The following NPR3 variants were observed in gnomAD, a reference collection of about 807,000 sequenced individuals.
NPR3 encodes the protein natriuretic peptide receptor 3.
NPR3 carries 34 observed loss-of-function variants against 54.5 expected under a neutral mutation model. That is an observed-to-expected ratio of 0.62 (90% CI 0.47 to 0.83). NPR3 has a LOEUF of 0.83. Among genes scored for constraint, NPR3 ranks in the 40% least tolerant of loss-of-function variants. NPR3 has a pLI of 0.00. For missense variants in NPR3, 674 were observed against 720.8 expected (o/e 0.94, Z 0.74); for synonymous variants, 289 against 297.1 (o/e 0.97, Z 0.28).
intron 3 of NPR3, among the ~76,000 whole-genome samples, chr5:32,773,046 G>A (rs1308024540): frequency 6.9e-6 from 1 of 145,404 alleles, no homozygotes; most frequent in African/African-American, 2.5e-5. Context: ...TCTTGTGAAT[G>A]TTTGTGTATC....
intron 1 of NPR3, among the ~76,000 whole-genome samples, chr5:32,722,523 T>C (rs1276759669): frequency 6.6e-6 from 1 of 152,208 alleles, no homozygotes; most frequent in Non-Finnish European, 1.5e-5. Flanking sequence ...ATGACTCTAC[T>C]CTCTATATGT....
chr5:32,780,668 A>G (rs1207753846), intron 4 of NPR3, 54 bp from the exon 5 acceptor site: 5 of 819,030 alleles, frequency 6.1e-6, no homozygotes, highest in Non-Finnish European at 1.1e-5. Context: ...TTTTGTTGGC[A>G]GACAGAGGTA....
chr5:32,697,267 T>C (rs1158576283), intron 1 of NPR3, among the ~76,000 whole-genome samples: 1 of 152,158 alleles, frequency 6.6e-6, no homozygotes, highest in Admixed American at 6.5e-5. Flanking sequence ...ATTCTGTTGA[T>C]GTGATGTATT....
chr5:32,780,619 T>A, intron 4 of NPR3, 103 bp from the exon 5 acceptor site: 2 of 763,228 alleles, frequency 2.6e-6, no homozygotes, highest in Non-Finnish European at 4.9e-6. Context: ...CCCTGTGGCA[T>A]GAGTTTGTTT....
intron 3 of NPR3, among the ~76,000 whole-genome samples, chr5:32,767,958 C>G (rs1034208831): frequency 1.3e-5 from 2 of 152,178 alleles, no homozygotes; most frequent in Non-Finnish European, 2.9e-5. Flanking sequence ...TTGGGCCCCT[C>G]CTCTTTCCCT....
Position 32,789,733 on chromosome 5 carries a change from A to T in NPR3, c.*3388A>T, listed in dbSNP as rs1742814275. 1.9e-6 allele frequency: 1 copy of T among 534,380 alleles called. No individual in the cohort carries two copies. The highest frequency in any genetic ancestry group is 1.4e-5 in the South Asian group (1 of 71,532). 33.1% of individuals were successfully genotyped at this position (534,380 alleles called of 1,614,324 possible). A position where few individuals can be genotyped will look rare whatever the true frequency, so the allele number is the denominator to read the frequency against. ...GATTTTGGGTGTGTGTGTGTAAGAC[A>T]TGCAGTCAACAATGAGATGAAGGCC... On this transcript the variant is annotated 3_prime_UTR_variant, in exon 8 of 8. Transcript: ENST00000265074.
Position 32,711,518 on chromosome 5 carries a change from T to A in NPR3, c.-259T>A, listed in dbSNP as rs1321081843. 2 of 1,193,686 alleles carry A rather than the reference T, an allele frequency of 1.7e-6. No homozygotes were observed. The highest frequency in any genetic ancestry group is 2.1e-6 in the Non-Finnish European group (2 of 964,584). 73.9% of individuals were successfully genotyped at this position (1,193,686 alleles called of 1,614,324 possible). ...ATATACAAGTATATATATATGTATA[T>A]TACAGACGCACAGGTTTACACCCGG... On this transcript the variant is annotated 5_prime_UTR_variant, in exon 1 of 8. Coordinates refer to ENST00000265074, the MANE Select transcript of NPR3 (RefSeq NM_001204375.2).
chr5:32,773,853 G>A (rs910997202), intron 3 of NPR3, among the ~76,000 whole-genome samples: 2 of 152,168 alleles, frequency 1.3e-5, no homozygotes, highest in African/African-American at 4.8e-5. Context: ...TAGAATTCTT[G>A]CAATTCCCTC....
At chr5:32,720,296 G>T (rs1028027948) in intron 1 of NPR3, among the ~76,000 whole-genome samples, 6 of 152,200 alleles carry the variant, frequency 3.9e-5, no homozygotes, top group African/African-American at 1.4e-4. Context: ...CGGGTGAGGG[G>T]AGTGTAAATG....
chr5:32,695,474 TAGTC>T (rs1480756357), intron 1 of NPR3, among the ~76,000 whole-genome samples: 1 of 152,162 alleles, frequency 6.6e-6, no homozygotes, highest in Non-Finnish European at 1.5e-5. Context: ...TTCACGGTGT[TAGTC>T]AGGATGATCT....
chr5:32,727,772 A>G (rs566694552), intron 2 of NPR3, among the ~76,000 whole-genome samples: 2 of 152,286 alleles, frequency 1.3e-5, no homozygotes, highest in East Asian at 3.9e-4. Context: ...AATAGTTTTT[A>G]TATCATTTCA....
At chr5:32,774,936 C>T in intron 4 of NPR3, 93 bp downstream of exon 4, 1 of 1,000,588 alleles carries the variant, frequency 1.0e-6, no homozygotes, top group African/African-American at 1.6e-5. Flanking sequence ...TGGGGCCTTT[C>T]CAGCGTCTTG....
intron 4 of NPR3, among the ~76,000 whole-genome samples, chr5:32,779,578 C>T (rs1446425007): frequency 6.6e-6 from 1 of 152,182 alleles, no homozygotes. Flanking sequence ...CTTTGGGCCT[C>T]TGTGCCTTGG....
intron 1 of NPR3, among the ~76,000 whole-genome samples, chr5:32,718,774 T>TG (rs1384724348): frequency 3.9e-5 from 6 of 152,256 alleles, no homozygotes; most frequent in Non-Finnish European, 8.8e-5. Flanking sequence ...TTTCTAAATA[T>TG]ACAGTCATGT....
intron 1 of NPR3, among the ~76,000 whole-genome samples, chr5:32,699,771 C>T (rs114262856): frequency 0.011 from 1,684 of 152,310 alleles, 29 homozygotes; most frequent in African/African-American, 0.039. Flanking sequence ...TGTGTACCTA[C>T]TGTTACACAG....
upstream of NPR3, among the ~76,000 whole-genome samples, chr5:32,706,011 A>T (rs2111824615): frequency 6.6e-6 from 1 of 152,218 alleles, no homozygotes; most frequent in South Asian, 2.1e-4. Context: ...CTGAATTGTA[A>T]TCCCCAATGT....
At chr5:32,729,041 T>TTTTTTG (rs1739318088) in intron 2 of NPR3, among the ~76,000 whole-genome samples, 1 of 133,922 alleles carries the variant, frequency 7.5e-6, no homozygotes, top group Non-Finnish European at 1.6e-5. Context: ...TTTTGTTTTT[T>TTTTTTG]TTTTTTGAGA....
intron 7 of NPR3, among the ~76,000 whole-genome samples, chr5:32,785,089 A>G (rs1160782320): frequency 6.7e-6 from 1 of 148,404 alleles, no homozygotes; most frequent in East Asian, 2.0e-4. Context: ...ATGGGTTTTG[A>G]CTACATCTCA....
chr5:32,743,985 G>T (rs1740164243), intron 3 of NPR3, among the ~76,000 whole-genome samples: 2 of 120,998 alleles, frequency 1.7e-5, no homozygotes, highest in African/African-American at 3.6e-5. Flanking sequence ...CCATTCTGAT[G>T]CATTTTTTTT....
Sources: allele counts gnomAD v4.1 joint callset (sites outside exome capture counted in the v4.1 genomes callset), GRCh38; gene constraint gnomAD v4.1.1; transcripts MANE v1.5; gene names NCBI Gene and HGNC (gene_info 2026-07-23, HGNC 2026-07-21).